The following WASF2 variants were observed in gnomAD, a reference collection of about 807,000 sequenced individuals.
The protein encoded by WASF2 is actin-binding protein WASF2.
WASF2 carries 14 observed loss-of-function variants against 45.0 expected under a neutral mutation model. The ratio of observed to expected loss-of-function variants is 0.31; its 90% CI spans 0.21 to 0.49. The LOEUF is 0.49. Among genes scored for constraint, WASF2 ranks in the 20% least tolerant of loss-of-function variants. The pLI, the probability that WASF2 is intolerant of heterozygous loss-of-function variation, is 0.99. For missense variants in WASF2, 439 were observed against 636.1 expected, an observed-to-expected ratio of 0.69 and a Z score of 3.33; for synonymous variants, 200 against 236.3, an observed-to-expected ratio of 0.85 and a Z score of 1.41.
intron 1 of WASF2, among the ~76,000 whole-genome samples, chr1:27,487,670 T>A (rs2017962234): frequency 9.2e-6 from 1 of 108,426 alleles, no homozygotes; most frequent in East Asian, 2.2e-4. Flanking sequence ...ATATATTATA[T>A]ATATTTTATA....
At chr1:27,430,824 A>G (rs897003756) in intron 1 of WASF2, among the ~76,000 whole-genome samples, 1 of 151,998 alleles carries the variant, frequency 6.6e-6, no homozygotes, top group East Asian at 1.9e-4. Flanking sequence ...AAAAAAAAAA[A>G]AGCAAAACAA....
intron 1 of WASF2, among the ~76,000 whole-genome samples, chr1:27,452,976 T>A (rs549887301): frequency 1.3e-5 from 2 of 149,888 alleles, no homozygotes; most frequent in South Asian, 4.2e-4. Flanking sequence ...GAGGCTGAGG[T>A]GGGTGGATCA....
intron 2 of WASF2, among the ~76,000 whole-genome samples, chr1:27,423,245 T>C (rs2016933171): frequency 6.6e-6 from 1 of 152,046 alleles, no homozygotes; most frequent in South Asian, 2.1e-4. Context: ...TTGCCCAGGC[T>C]GGAATGCAAT....
chr1:27,447,873 C>T (rs1234621384), intron 1 of WASF2, among the ~76,000 whole-genome samples: 1 of 152,166 alleles, frequency 6.6e-6, no homozygotes, highest in Non-Finnish European at 1.5e-5. Flanking sequence ...TAGGCCAGCC[C>T]TTGAAAGTTA....
In WASF2 at chr1:27,419,099, C is replaced by T. The variant is rs377754080; in HGVS notation, c.131-11G>A. 15 of 1,612,670 alleles carry T rather than the reference C, an allele frequency of 9.3e-6. No individual in the cohort carries two copies. Among genetic ancestry groups the T allele is most frequent in the Non-Finnish European group, 1.1e-5 (13 of 1,179,156 alleles). Reference sequence around the variant, plus strand: ...CCTCTGCATATTTACCTGGAAAGAGCAAAGAAACCAAGTCACTAGTGCATA... The same window carrying T: ...CCTCTGCATATTTACCTGGAAAGAGTAAAGAAACCAAGTCACTAGTGCATA... On this transcript the variant is annotated splice_polypyrimidine_tract_variant and intron_variant, in intron 2 of 8. Transcript: ENST00000618852.
chr1:27,444,547 G>A (rs1427800581), intron 1 of WASF2, among the ~76,000 whole-genome samples: 3 of 152,136 alleles, frequency 2.0e-5, no homozygotes, highest in African/African-American at 7.2e-5. Context: ...AAAGACAGCA[G>A]GTCAAATTAA....
chr1:27,459,332 T>C (rs2017515287), intron 1 of WASF2: 1 of 152,114 alleles, frequency 6.6e-6, no homozygotes, highest in Admixed American at 6.6e-5. Context: ...GGCTAATTTT[T>C]AAAATTTTTA....
chr1:27,450,002 G>C (rs574636027), intron 1 of WASF2, among the ~76,000 whole-genome samples: 1 of 152,160 alleles, frequency 6.6e-6, no homozygotes, highest in African/African-American at 2.4e-5. Flanking sequence ...AAATTAGCTG[G>C]GTGTGGTGGC....
intron 8 of WASF2, 144 bp from the exon 9 acceptor site, chr1:27,408,490 A>G: frequency 4.2e-6 from 5 of 1,180,674 alleles, no homozygotes; most frequent in Non-Finnish European, 4.6e-6. Context: ...GAAAAGCAGA[A>G]GAAGATGAGT....
At chr1:27,419,711 A>G (rs2016879831) in intron 2 of WASF2, among the ~76,000 whole-genome samples, 1 of 152,224 alleles carries the variant, frequency 6.6e-6, no homozygotes, top group Non-Finnish European at 1.5e-5. Context: ...GGGAGTTCAG[A>G]GGACGTTCTA....
At chr1:27,454,187 A>ATATATATTTTT (rs1469446976) in intron 1 of WASF2, among the ~76,000 whole-genome samples, 4 of 12,772 alleles carry the variant, frequency 3.1e-4, no homozygotes, top group African/African-American at 8.3e-4. Context: ...ATATATATAT[A>ATATATATTTTT]TTTTTTTTTT....
chr1:27,459,847 T>C (rs148928844), intron 1 of WASF2, among the ~76,000 whole-genome samples: 1 of 152,356 alleles, frequency 6.6e-6, no homozygotes, highest in Non-Finnish European at 1.5e-5. Flanking sequence ...AAAAGGTAGT[T>C]TGATCTTTAA....
chr1:27,413,938 A>T (rs1284057213), intron 6 of WASF2, among the ~76,000 whole-genome samples: 1 of 152,230 alleles, frequency 6.6e-6, no homozygotes, highest in African/African-American at 2.4e-5. Flanking sequence ...AGATCTCTTA[A>T]TCCACGAAGA....
Position 27,412,732 on chromosome 1 carries a change from C to A in WASF2, c.669-5G>T, listed in dbSNP as rs1420671375. 4.3e-6 allele frequency: 7 copies of A among 1,614,140 alleles called. No homozygotes were observed. On this transcript the variant is annotated splice_region_variant and splice_polypyrimidine_tract_variant and intron_variant, in intron 6 of 8. Coordinates refer to ENST00000618852, the MANE Select transcript of WASF2 (RefSeq NM_006990.5). ...TACACCAAAGTGGGTGGATACCTGA[C>A]AATGAACCGAATGCCAAAAACTGTC... is the stretch of plus-strand genomic sequence containing the variant.
intron 1 of WASF2, among the ~76,000 whole-genome samples, chr1:27,486,661 C>CTT (rs1352644215): frequency 9.9e-5 from 15 of 152,126 alleles, no homozygotes; most frequent in Non-Finnish European, 1.5e-5. Flanking sequence ...TGGTGGCTCA[C>CTT]GCCTGTAATC....
intron 1 of WASF2, among the ~76,000 whole-genome samples, chr1:27,443,902 T>C (rs1027146980): frequency 1.3e-5 from 2 of 151,958 alleles, no homozygotes; most frequent in Admixed American, 6.6e-5. Flanking sequence ...TGCCTCAGCC[T>C]CATGAGTAGC....
At chr1:27,462,752 GA>G (rs1261337260) in intron 1 of WASF2, among the ~76,000 whole-genome samples, 1 of 152,174 alleles carries the variant, frequency 6.6e-6, no homozygotes, top group East Asian at 1.9e-4. Flanking sequence ...AGATTATTGA[GA>G]AAAATGAAAG....
At chr1:27,448,993 C>CT (rs2017346526) in intron 1 of WASF2, among the ~76,000 whole-genome samples, 1 of 152,076 alleles carries the variant, frequency 6.6e-6, no homozygotes, top group Non-Finnish European at 1.5e-5. Context: ...CTCTTACCTC[C>CT]ATACTTTTGC....
intron 1 of WASF2, among the ~76,000 whole-genome samples, chr1:27,436,868 A>C (rs2017144608): frequency 1.3e-5 from 2 of 152,226 alleles, no homozygotes; most frequent in Non-Finnish European, 2.9e-5. Flanking sequence ...GAAAACTGAG[A>C]AAAAGGGCTT....
Sources: allele counts gnomAD v4.1 joint callset (sites outside exome capture counted in the v4.1 genomes callset), GRCh38; gene constraint gnomAD v4.1.1; transcripts MANE v1.5; gene names NCBI Gene and HGNC (gene_info 2026-07-23, HGNC 2026-07-21).